Variants in PHF14 observed in about 807,000 individuals in gnomAD.
The protein encoded by PHF14 is PHD finger protein 14.
In PHF14, 55 loss-of-function variants were observed where a neutral mutation model predicts 117.9. The ratio of observed to expected loss-of-function variants is 0.47; its 90% CI spans 0.38 to 0.58. The LOEUF is 0.58. Among genes scored for constraint, PHF14 ranks in the 20% least tolerant of loss-of-function variants. The pLI, the probability that PHF14 is intolerant of heterozygous loss-of-function variation, is 0.00. For missense variants in PHF14, 978 were observed against 1,122.2 expected (o/e 0.87, Z 1.84); for synonymous variants, 409 against 368.6 (o/e 1.11, Z -1.26).
intron 17 of PHF14, among the ~76,000 whole-genome samples, chr7:11,121,452 C>A (rs1363686516): frequency 2.0e-5 from 3 of 152,072 alleles, no homozygotes; most frequent in Admixed American, 2.0e-4. Context: ...GTACAGTAGC[C>A]TCCCCCCACT....
intron 16 of PHF14, chr7:11,104,403 G>T (rs6954805): frequency 0.42 from 401,524 of 946,936 alleles, 87,250 homozygotes; most frequent in East Asian, 0.86. Flanking sequence ...TCTCTTAAAT[G>T]CTCTCATATC....
At chr7:11,075,482 GAA>G (rs55882420) in intron 16 of PHF14, among the ~76,000 whole-genome samples, 2,991 of 150,754 alleles carry the variant, frequency 0.02, 41 homozygotes, top group Middle Eastern at 0.045. Flanking sequence ...GCAAGCAAGA[GAA>G]AGAGGAGGAA....
intron 6 of PHF14, among the ~76,000 whole-genome samples, chr7:11,026,375 C>A (rs796535276): frequency 1.2e-4 from 19 of 152,318 alleles, no homozygotes; most frequent in African/African-American, 4.1e-4. Context: ...CTTGAAAATA[C>A]ATGGAGAAAC....
intron 17 of PHF14, among the ~76,000 whole-genome samples, chr7:11,124,551 A>G (rs1294298584): frequency 4.6e-5 from 7 of 152,152 alleles, no homozygotes; most frequent in Admixed American, 6.6e-5. Flanking sequence ...TTTAAAATGT[A>G]TAATTCTATG....
At chr7:10,983,253 A>C in intron 3 of PHF14, 94 bp downstream of exon 3, 1 of 1,383,382 alleles carries the variant, frequency 7.2e-7, no homozygotes, top group Non-Finnish European at 9.7e-7. Context: ...CTTCCTTGAA[A>C]TCCTATTTAT....
chr7:11,151,275 G>T (rs1271519060), intron 17 of PHF14, among the ~76,000 whole-genome samples: 2 of 151,978 alleles, frequency 1.3e-5, no homozygotes, highest in Admixed American at 1.3e-4. Flanking sequence ...ATAACTTCAG[G>T]CCAGGCACAG....
chr7:11,106,412 C>A, intron 16 of PHF14: 8 of 959,412 alleles, frequency 8.3e-6, no homozygotes, highest in Non-Finnish European at 9.9e-6. Context: ...AAACCATTTT[C>A]TAATTATTTT....
intron 4 of PHF14, among the ~76,000 whole-genome samples, chr7:11,003,625 A>G (rs749319852): frequency 2.6e-5 from 4 of 152,222 alleles, no homozygotes; most frequent in Non-Finnish European, 5.9e-5. Context: ...TACCAAGTCC[A>G]TCCTTCTGCA....
intron 4 of PHF14, among the ~76,000 whole-genome samples, chr7:11,009,762 T>C (rs150847987): frequency 6.3e-4 from 96 of 152,352 alleles, no homozygotes; most frequent in African/African-American, 2.1e-3. Flanking sequence ...GGATCATTTT[T>C]CAGGGACAGT....
intron 17 of PHF14, among the ~76,000 whole-genome samples, chr7:11,166,520 T>TA (rs1469464223): frequency 1.3e-5 from 2 of 152,216 alleles, no homozygotes; most frequent in Non-Finnish European, 2.9e-5. Context: ...TATAAATTCT[T>TA]ACAAAAATTG....
At chr7:11,049,684 A>G (rs1410179204) in intron 13 of PHF14, among the ~76,000 whole-genome samples, 2 of 152,110 alleles carry the variant, frequency 1.3e-5, no homozygotes, top group Non-Finnish European at 2.9e-5. Context: ...AACAATATCT[A>G]ACATTTCTGG....
intron 5 of PHF14, among the ~76,000 whole-genome samples, chr7:11,018,761 A>G (rs1783618853): frequency 6.6e-6 from 1 of 152,162 alleles, no homozygotes; most frequent in Non-Finnish European, 1.5e-5. Flanking sequence ...GCCGGAAGCT[A>G]GGGCTTCCAG....
At chr7:11,006,207 T>G (rs1486268520) in intron 4 of PHF14, among the ~76,000 whole-genome samples, 1 of 152,240 alleles carries the variant, frequency 6.6e-6, no homozygotes, top group Non-Finnish European at 1.5e-5. Context: ...GTAAATTTTC[T>G]TTTATTCTTT....
chr7:11,073,014 C>T (rs543947209), intron 16 of PHF14, among the ~76,000 whole-genome samples: 1 of 152,316 alleles, frequency 6.6e-6, no homozygotes, highest in South Asian at 2.1e-4. Flanking sequence ...ACCAGGCCCA[C>T]CTCCAATATT....
At chr7:10,984,357 G>A (rs1782145379) in intron 3 of PHF14, among the ~76,000 whole-genome samples, 1 of 152,094 alleles carries the variant, frequency 6.6e-6, no homozygotes, top group Non-Finnish European at 1.5e-5. Flanking sequence ...TATTTTATAT[G>A]AAAAAATATT....
chr7:11,066,572 G>A (rs1423726547), intron 16 of PHF14, among the ~76,000 whole-genome samples: 2 of 152,112 alleles, frequency 1.3e-5, no homozygotes, highest in East Asian at 3.9e-4. Context: ...TATTTTATAT[G>A]AGCTATCTGA....
chr7:11,016,570 A>G (rs768352269), intron 5 of PHF14, among the ~76,000 whole-genome samples: 15 of 152,036 alleles, frequency 9.9e-5, no homozygotes, highest in Admixed American at 2.6e-4. Flanking sequence ...ATTTTTTGGC[A>G]TGCTCTCCTT....
intron 7 of PHF14, among the ~76,000 whole-genome samples, chr7:11,033,759 A>G (rs1784211392): frequency 6.6e-6 from 1 of 152,206 alleles, no homozygotes; most frequent in Non-Finnish European, 1.5e-5. Context: ...ACTTTGAAAC[A>G]TTAGAATAAT....
At chr7:11,155,548 T>C (rs949520552) in intron 17 of PHF14, among the ~76,000 whole-genome samples, 1 of 152,196 alleles carries the variant, frequency 6.6e-6, no homozygotes, top group Non-Finnish European at 1.5e-5. Flanking sequence ...ACCAACTCTT[T>C]CTTATCCTTC....
Sources: allele counts gnomAD v4.1 joint callset (sites outside exome capture counted in the v4.1 genomes callset), GRCh38; gene constraint gnomAD v4.1.1; transcripts MANE v1.5; gene names NCBI Gene and HGNC (gene_info 2026-07-23, HGNC 2026-07-21).